The following ANTXR2 variants were observed in gnomAD, a reference collection of about 807,000 sequenced individuals.
The protein encoded by ANTXR2 is ANTXR cell adhesion molecule 2.
A neutral mutation model predicts 73.7 loss-of-function variants in ANTXR2; 44 were observed. The ratio of observed to expected loss-of-function variants is 0.60; its 90% CI spans 0.47 to 0.77. The LOEUF (loss-of-function observed/expected upper bound fraction) is 0.77, where lower values mean the gene tolerates loss of function less well. Among genes scored for constraint, ANTXR2 ranks in the 30% least tolerant of loss-of-function variants. The pLI is 0.00. For missense variants in ANTXR2, 604 were observed against 592.5 expected (o/e 1.02, Z -0.20); for synonymous variants, 217 against 205.9 (o/e 1.05, Z -0.46).
intron 3 of ANTXR2, among the ~76,000 whole-genome samples, chr4:80,057,313 G>A (rs4308327): frequency 0.44 from 66,256 of 151,698 alleles, 15,027 homozygotes; most frequent in Non-Finnish European, 0.49. Flanking sequence ...TATCACATGC[G>A]GTTATAAAAT....
intron 3 of ANTXR2, among the ~76,000 whole-genome samples, chr4:80,059,621 G>A (rs1311659153): frequency 6.6e-6 from 1 of 152,044 alleles, no homozygotes; most frequent in African/African-American, 2.4e-5. Flanking sequence ...ACTTTACAAA[G>A]TGCTGGAATT....
At chr4:79,954,045 A>G (rs970717028) in intron 16 of ANTXR2, among the ~76,000 whole-genome samples, 3 of 152,184 alleles carry the variant, frequency 2.0e-5, no homozygotes, top group African/African-American at 7.2e-5. Flanking sequence ...CTGACCAATA[A>G]ATTCTGAAAC....
intron 10 of ANTXR2, among the ~76,000 whole-genome samples, chr4:80,031,320 C>T (rs964750976): frequency 1.3e-5 from 2 of 151,780 alleles, no homozygotes; most frequent in Non-Finnish European, 2.9e-5. Context: ...ATGTTTATGG[C>T]TCTGATTATT....
intron 16 of ANTXR2, among the ~76,000 whole-genome samples, chr4:79,937,243 G>C (rs902980526): frequency 1.3e-5 from 2 of 151,974 alleles, no homozygotes; most frequent in African/African-American, 4.8e-5. Context: ...AACCTCAAAA[G>C]ATTCACATTT....
At chr4:80,010,899 G>C (rs2110059244) in intron 11 of ANTXR2, among the ~76,000 whole-genome samples, 1 of 152,178 alleles carries the variant, frequency 6.6e-6, no homozygotes, top group Non-Finnish European at 1.5e-5. Flanking sequence ...TGTAATCGCA[G>C]CACTTTGGGA....
intron 16 of ANTXR2, among the ~76,000 whole-genome samples, chr4:79,925,780 CATCT>C (rs879664363): frequency 1.3e-5 from 2 of 152,072 alleles, no homozygotes; most frequent in Admixed American, 6.6e-5. Context: ...TAACAATGTT[CATCT>C]ATCTGCTTAA....
chr4:79,905,762 C>T lies in ANTXR2; in HGVS notation c.*1667G>A, dbSNP rs1484703874. 1.3e-5 allele frequency: 2 copies of T among 152,504 alleles called. No individual in the cohort carries two copies. The highest frequency in any genetic ancestry group is 4.8e-5 in the African/African-American group (2 of 41,408). 9.4% of individuals were successfully genotyped at this position (152,504 alleles called of 1,614,324 possible). ...CTGGACACCAACCAACAGAATACTC[C>T]CGTCCTTTGAAATTTCCATTAAGAG... On this transcript the variant is annotated 3_prime_UTR_variant, in exon 17 of 17. Transcript: ENST00000403729.
intron 3 of ANTXR2, among the ~76,000 whole-genome samples, chr4:80,063,111 G>C (rs1485477049): frequency 6.6e-6 from 1 of 152,188 alleles, no homozygotes; most frequent in East Asian, 1.9e-4. Flanking sequence ...AATACCCATT[G>C]TGTTCTCTTT....
chr4:80,008,512 C>G lies in ANTXR2; in HGVS notation c.1041+9G>C. On this transcript the variant is annotated intron_variant, in intron 12 of 16. Transcript: ENST00000403729. ...TTTTTAAGTAGAGTTGTAAATCCTT[C>G]TTACTCACCACTTTGCAGCAAAGGG... 1.3e-6 allele frequency: 2 copies of G among 1,596,130 alleles called. No homozygotes were observed. The highest frequency in any genetic ancestry group is 1.7e-5 in the Admixed American group (1 of 58,758).
chr4:80,031,513 T>G (rs1426294045), intron 10 of ANTXR2, 110 bp downstream of exon 10: 1 of 851,046 alleles, frequency 1.2e-6, no homozygotes, highest in African/African-American at 1.8e-5. Flanking sequence ...TACTTTTTAA[T>G]GCTCTGTATA....
chr4:79,937,879 C>G (rs1405783031), intron 16 of ANTXR2, among the ~76,000 whole-genome samples: 1 of 139,682 alleles, frequency 7.2e-6, no homozygotes. Flanking sequence ...GCACCGTGCA[C>G]GAGCCGAAGC....
At chr4:79,934,051 G>A (rs1277288691) in intron 16 of ANTXR2, among the ~76,000 whole-genome samples, 1 of 151,904 alleles carries the variant, frequency 6.6e-6, no homozygotes, top group African/African-American at 2.4e-5. Context: ...TGTTTCTATT[G>A]TTAGAAACTA....
chr4:79,999,154 G>A (rs1374945382), intron 12 of ANTXR2, among the ~76,000 whole-genome samples: 1 of 151,952 alleles, frequency 6.6e-6, no homozygotes, highest in Non-Finnish European at 1.5e-5. Flanking sequence ...TATGCCCCTT[G>A]ATATGGTTTG....
intron 16 of ANTXR2, among the ~76,000 whole-genome samples, chr4:79,937,989 C>A (rs1728348670): frequency 1.9e-5 from 2 of 105,532 alleles, no homozygotes; most frequent in South Asian, 8.0e-4. Flanking sequence ...AATCGGGTCA[C>A]TCCCACCCGA....
In ANTXR2 at chr4:80,022,554, T is replaced by C. The variant is rs575717165; in HGVS notation, c.867-3578A>G. ...CTTTCCTTGCCTCAAGAGTCAACTA[T>C]ACATATTTAGTGTTTTCTGTCATAT... On this transcript the variant is annotated intron_variant, in intron 10 of 16. Coordinates refer to ENST00000403729, the MANE Select transcript of ANTXR2 (RefSeq NM_058172.6). Among the ~76,000 whole-genome samples the C allele has an allele frequency of 2.6e-5, 4 of 152,334 alleles. No homozygotes were observed. The South Asian group carries it at 8.3e-4, about 32-fold the overall frequency.
At chr4:79,959,699 G>T (rs1223591127) in intron 16 of ANTXR2, among the ~76,000 whole-genome samples, 2 of 152,218 alleles carry the variant, frequency 1.3e-5, no homozygotes, top group Admixed American at 1.3e-4. Context: ...TGAGAGAAAA[G>T]TTATATAACT....
intron 7 of ANTXR2, among the ~76,000 whole-genome samples, chr4:80,039,161 G>T (rs1486923089): frequency 6.6e-6 from 1 of 152,006 alleles, no homozygotes; most frequent in Non-Finnish European, 1.5e-5. Flanking sequence ...ATGAATGTTG[G>T]AAATCCAGAA....
At chr4:79,934,519 C>G (rs1728182165) in intron 16 of ANTXR2, among the ~76,000 whole-genome samples, 1 of 148,382 alleles carries the variant, frequency 6.7e-6, no homozygotes, top group Non-Finnish European at 1.5e-5. Flanking sequence ...TGAGCAAGAC[C>G]CTGTCTAAAA....
intron 3 of ANTXR2, among the ~76,000 whole-genome samples, chr4:80,062,942 A>G (rs1463594998): frequency 6.6e-6 from 1 of 152,142 alleles, no homozygotes; most frequent in Non-Finnish European, 1.5e-5. Context: ...GCCAAACCCC[A>G]TGTTAGCCTT....
Sources: allele counts gnomAD v4.1 joint callset (sites outside exome capture counted in the v4.1 genomes callset), GRCh38; gene constraint gnomAD v4.1.1; transcripts MANE v1.5; gene names NCBI Gene and HGNC (gene_info 2026-07-23, HGNC 2026-07-21).